Variants in OSBPL10 observed in about 807,000 individuals in gnomAD.
OSBPL10 encodes oxysterol-binding protein-related protein 10.
OSBPL10 carries 49 observed loss-of-function variants against 81.7 expected under a neutral mutation model. The ratio of observed to expected loss-of-function variants is 0.60; its 90% CI spans 0.48 to 0.76. The LOEUF is 0.76. Ranked by LOEUF, OSBPL10 falls within the 30% of genes least tolerant of loss-of-function variation. OSBPL10 has a pLI of 0.00. For synonymous variants in OSBPL10, 419 were observed against 383.6 expected (o/e 1.09, Z -1.08); for missense variants, 923 against 987.8 (o/e 0.93, Z 0.88).
chr3:31,899,260 C>T (rs1290111892), intron 1 of OSBPL10, among the ~76,000 whole-genome samples: 2 of 151,730 alleles, frequency 1.3e-5, no homozygotes, highest in Non-Finnish European at 2.9e-5. Context: ...CCTTTTAAAG[C>T]TTAATATGGA....
intron 3 of OSBPL10, among the ~76,000 whole-genome samples, chr3:31,861,356 C>T (rs1316987749): frequency 6.6e-6 from 1 of 152,128 alleles, no homozygotes; most frequent in African/African-American, 2.4e-5. Context: ...CTGTAAATCA[C>T]CTCTAAATTA....
chr3:32,026,440 A>C (rs1404130623), intron 2 of OSBPL10, among the ~76,000 whole-genome samples: 1 of 152,178 alleles, frequency 6.6e-6, no homozygotes, highest in Non-Finnish European at 1.5e-5. Context: ...CTAAGCCATA[A>C]TATTCTTTGA....
chr3:31,732,892 C>T (rs777990432), intron 6 of OSBPL10: 94 of 269,170 alleles, frequency 3.5e-4, no homozygotes, highest in Admixed American at 8.6e-4. Flanking sequence ...AGGAACCACA[C>T]GAAGAAGCCA....
At position 31,683,952 on chromosome 3, in the gene OSBPL10, G is replaced by A. The variant is rs746930334; in HGVS notation, c.1408C>T (p.Arg470Cys). 33 of 1,614,086 alleles carry A rather than the reference G, an allele frequency of 2.0e-5. No individual in the cohort carries two copies. The highest frequency in any genetic ancestry group is 4.5e-5 in the East Asian group (2 of 44,882). ...GGCTTCTTGGCTAAAGCGCCCTTGCGGCCCTCGTGAAAGGCTGTGAGATAA... is the reference window on the plus strand; with the variant it reads ...GGCTTCTTGGCTAAAGCGCCCTTGCAGCCCTCGTGAAAGGCTGTGAGATAA... ...EYYLTAFHEG[R>C]KGALAKKPYN... The change falls in exon 8 of 12, where the codon CGC becomes TGC. Residue 470 changes from arginine (R) to cysteine (C), a missense_variant. Physicochemically the swap from Arg to Cys is radical, Grantham distance 180 (BLOSUM62 -3). This residue lies in a region of OSBPL10 where 387 missense variants were observed against 436.3 expected (regional missense o/e 0.89). Coordinates refer to ENST00000396556, the MANE Select transcript of OSBPL10 (RefSeq NM_017784.5).
Position 31,970,922 on chromosome 3 carries a change from G to C in OSBPL10, c.281+9977C>G, listed in dbSNP as rs142762285. On this transcript the variant is annotated intron_variant, in intron 1 of 11. Transcript: ENST00000396556. ...GCCTCCAAACATTTGTACTCACAGAGCCTTCTACCAGGGACGCCCTGCTGA... is the reference window on the plus strand; with the variant it reads ...GCCTCCAAACATTTGTACTCACAGACCCTTCTACCAGGGACGCCCTGCTGA... Among the ~76,000 whole-genome samples the C allele has an allele frequency of 9.2e-5, 14 of 152,190 alleles. No individual in the cohort carries two copies. The East Asian group carries it at 1.5e-3, about 17-fold the overall frequency.
chr3:31,940,465 G>A (rs1485646790), intron 1 of OSBPL10, among the ~76,000 whole-genome samples: 1 of 152,224 alleles, frequency 6.6e-6, no homozygotes, highest in Non-Finnish European at 1.5e-5. Flanking sequence ...TGGTGGAGAT[G>A]TCCTATATCT....
chr3:32,071,258 A>G (rs1252822440), intron 1 of OSBPL10, among the ~76,000 whole-genome samples: 3 of 152,144 alleles, frequency 2.0e-5, no homozygotes, highest in African/African-American at 7.2e-5. Context: ...TCTATAAAAC[A>G]ACAACTCCTT....
chr3:31,972,631 C>A (rs187069497), intron 1 of OSBPL10, among the ~76,000 whole-genome samples: 5 of 152,260 alleles, frequency 3.3e-5, no homozygotes, highest in East Asian at 1.9e-4. Flanking sequence ...AGAACCTGAA[C>A]CCCACCACTT....
chr3:31,924,304 T>A (rs1031562948), intron 1 of OSBPL10, among the ~76,000 whole-genome samples: 87 of 152,046 alleles, frequency 5.7e-4, no homozygotes, highest in Admixed American at 2.4e-3. Flanking sequence ...GGAAAGGGAC[T>A]CTGGAGTGGA....
At chr3:31,777,812 G>A (rs2125762331) in intron 4 of OSBPL10, among the ~76,000 whole-genome samples, 1 of 152,310 alleles carries the variant, frequency 6.6e-6, no homozygotes. Flanking sequence ...GATTTAGCAT[G>A]AAATATAAAA....
intron 2 of OSBPL10, among the ~76,000 whole-genome samples, chr3:32,040,132 C>T (rs563742165): frequency 3.3e-5 from 5 of 152,272 alleles, no homozygotes; most frequent in African/African-American, 1.2e-4. Context: ...AGAGGCCAGG[C>T]ACGGTGGCTC....
At chr3:31,816,976 A>G (rs1006259486) in intron 4 of OSBPL10, among the ~76,000 whole-genome samples, 1 of 152,048 alleles carries the variant, frequency 6.6e-6, no homozygotes, top group Non-Finnish European at 1.5e-5. Context: ...GCAGCTCATC[A>G]TCCCATCTCT....
chr3:31,913,974 G>A (rs1432974995), intron 1 of OSBPL10, among the ~76,000 whole-genome samples: 1 of 152,190 alleles, frequency 6.6e-6, no homozygotes, highest in Non-Finnish European at 1.5e-5. Context: ...CCAAGCTGGA[G>A]TGCAGTGGCA....
At chr3:31,858,552 C>A (rs1489217037) in intron 3 of OSBPL10, among the ~76,000 whole-genome samples, 1 of 152,172 alleles carries the variant, frequency 6.6e-6, no homozygotes, top group Non-Finnish European at 1.5e-5. Context: ...CATTAATCCT[C>A]ACCACAGCAT....
chr3:32,026,057 T>TAGATGATTGATA, intron 2 of OSBPL10, among the ~76,000 whole-genome samples: 1 of 111,232 alleles, frequency 9.0e-6, no homozygotes, highest in Non-Finnish European at 1.9e-5. Context: ...GATAGATAGA[T>TAGATGATTGATA]GATAGATAGA....
chr3:31,668,806 C>A lies in OSBPL10; in HGVS notation c.1932G>T (p.Lys644Asn). The change falls in exon 10 of 12, where the codon AAG becomes AAT. Residue 644 changes from lysine to asparagine, a missense_variant. By Grantham distance (94) the Lys-to-Asn change is moderately conservative. Coordinates refer to ENST00000396556, the MANE Select transcript of OSBPL10 (RefSeq NM_017784.5). ...AAACAATGGTGTTGGTTGGGTTGTGCTTCACTTCTGCGGTAACCCTGAATT... is the reference window on the plus strand; with the variant it reads ...AAACAATGGTGTTGGTTGGGTTGTGATTCACTTCTGCGGTAACCCTGAATT... The part of the protein sequence containing the change: ...GKVHRVTAEV[K>N]HNPTNTIVCK... 1 of 1,610,516 alleles carries A rather than the reference C, an allele frequency of 6.2e-7. No homozygotes were observed. Among genetic ancestry groups the A allele is most frequent in the Non-Finnish European group, 8.5e-7 (1 of 1,177,762 alleles).
intron 1 of OSBPL10, among the ~76,000 whole-genome samples, chr3:32,074,162 C>T (rs1448479286): frequency 6.6e-6 from 1 of 152,110 alleles, no homozygotes; most frequent in Non-Finnish European, 1.5e-5. Flanking sequence ...CTTTAATAGC[C>T]CTCACTTTAC....
chr3:31,849,626 G>C (rs12487988), intron 3 of OSBPL10, among the ~76,000 whole-genome samples: 6 of 151,860 alleles, frequency 4.0e-5, no homozygotes, highest in African/African-American at 1.2e-4. Context: ...TTGCTATAAC[G>C]TTGTTATACA....
chr3:31,684,900 GT>G (rs35531609), intron 7 of OSBPL10, among the ~76,000 whole-genome samples: 9,572 of 152,262 alleles, frequency 0.063, 475 homozygotes, highest in South Asian at 0.18. Flanking sequence ...CCCTAGGTTT[GT>G]TATTGGCACC....
Sources: gnomAD v4.1 joint callset for allele counts (sites outside exome capture counted in the v4.1 genomes callset) on GRCh38, gnomAD v4.1.1 for gene constraint, gnomAD v4.1.1 regional missense constraint, MANE v1.5 for transcripts, NCBI Gene and HGNC (gene_info 2026-07-23, HGNC 2026-07-21) for gene names.